Variants in ASPH observed in about 807,000 individuals in gnomAD.
ASPH encodes aspartyl/asparaginyl beta-hydroxylase.
A neutral mutation model predicts 118.4 loss-of-function variants in ASPH; 100 were observed. The ratio of observed to expected loss-of-function variants is 0.84; its 90% CI spans 0.72 to 1.00. The LOEUF is 1.00. ASPH is among the 50% of genes least tolerant of loss of function. ASPH has a pLI of 0.00. For missense variants in ASPH, 920 were observed against 919.5 expected (o/e 1.00, Z -0.01); for synonymous variants, 315 against 325.6 (o/e 0.97, Z 0.35).
intron 24 of ASPH, chr8:61,516,979 C>G (rs1217475171): frequency 6.6e-6 from 1 of 152,566 alleles, no homozygotes; most frequent in Non-Finnish European, 1.5e-5. Context: ...GTTATCACTG[C>G]CAATTTTATA....
chr8:61,661,366 T>A (rs975121450), intron 3 of ASPH: 3 of 152,240 alleles, frequency 2.0e-5, no homozygotes, highest in African/African-American at 7.2e-5. Context: ...CCCAACCATG[T>A]GCTGGCTGTT....
At chr8:61,527,548 G>A (rs1327077213) in intron 21 of ASPH, among the ~76,000 whole-genome samples, 1 of 152,242 alleles carries the variant, frequency 6.6e-6, no homozygotes, top group East Asian at 1.9e-4. Context: ...TTTATGATAT[G>A]TATGCATTAA....
chr8:61,706,195 A>T (rs534306046), intron 1 of ASPH, among the ~76,000 whole-genome samples: 4 of 151,966 alleles, frequency 2.6e-5, no homozygotes, highest in Admixed American at 2.6e-4. Flanking sequence ...AGTCGAGATG[A>T]GCAGACCACT....
chr8:61,609,694 C>T (rs1292197253), intron 14 of ASPH, among the ~76,000 whole-genome samples: 1 of 151,994 alleles, frequency 6.6e-6, no homozygotes, highest in Non-Finnish European at 1.5e-5. Flanking sequence ...ATAAAAATAT[C>T]GCAGGAACTA....
chr8:61,547,712 GTTA>G (rs1431099347), intron 21 of ASPH, among the ~76,000 whole-genome samples: 5 of 151,644 alleles, frequency 3.3e-5, no homozygotes, highest in South Asian at 4.2e-4. Flanking sequence ...ATGTTATGAG[GTTA>G]TTATTTTTAA....
intron 3 of ASPH, chr8:61,668,312 A>T: frequency 6.5e-7 from 1 of 1,537,692 alleles, no homozygotes; most frequent in South Asian, 1.2e-5. Context: ...GGTTATAAAC[A>T]GAAAATTTAA....
chr8:61,574,806 C>G lies in ASPH; in HGVS notation c.1149+1966G>C, dbSNP rs1834588321. On this transcript the variant is annotated intron_variant, in intron 16 of 24. Coordinates refer to ENST00000379454, the MANE Select transcript of ASPH (RefSeq NM_004318.4). ...ACGTGTATACCTATGTAACAAACCT[C>G]CATGTTCTGCACATGTATCCCAGAA... Among the ~76,000 whole-genome samples, 3 of 152,198 alleles carry G rather than the reference C, an allele frequency of 2.0e-5. No homozygotes were observed. The South Asian group carries it at 6.2e-4, about 32-fold the overall frequency.
intron 13 of ASPH, chr8:61,624,639 A>G: frequency 1.0e-6 from 1 of 985,444 alleles, no homozygotes; most frequent in Non-Finnish European, 1.2e-6. Flanking sequence ...ATTTGTAAAG[A>G]CAAGGCTCAT....
chr8:61,640,160 C>A (rs979504299), intron 10 of ASPH, among the ~76,000 whole-genome samples: 5 of 152,200 alleles, frequency 3.3e-5, no homozygotes, highest in Admixed American at 1.3e-4. Flanking sequence ...CAGGGCACCA[C>A]TGAACATCCC....
In ASPH at chr8:61,503,100, A is replaced by G. The variant is rs913847323; in HGVS notation, c.*259T>C. 4.3e-5 allele frequency: 14 copies of G among 325,326 alleles called. No individual in the cohort carries two copies. The highest frequency in any genetic ancestry group is 7.2e-5 in the Non-Finnish European group (13 of 181,054). The allele number at this position is 325,326 out of a possible 1,614,324, so 20.2% of individuals were successfully genotyped here. A position where few individuals can be genotyped will look rare whatever the true frequency, so the allele number is the denominator to read the frequency against. On this transcript the variant is annotated 3_prime_UTR_variant, in exon 25 of 25. Transcript: ENST00000379454. The stretch of plus-strand genomic sequence containing the variant: ...ATCTTTGGCTGGTAAGGTAGAAGCT[A>G]TCAAATGTTCACCTTAAATACTGGC...
At position 61,504,978 on chromosome 8, in the gene ASPH, C is replaced by T. The variant is rs570923953; in HGVS notation, c.2127-1469G>A. On this transcript the variant is annotated intron_variant, in intron 24 of 24. Coordinates refer to ENST00000379454, the MANE Select transcript of ASPH (RefSeq NM_004318.4). ...ACCCAGTGTGCTATCTCATACACTT[C>T]GTGATATGGTTTGGATGTGTCCCCA... 1.3e-4 allele frequency among the ~76,000 whole-genome samples: 20 copies of T among 152,100 alleles called. No individual in the cohort carries two copies. In the South Asian group the frequency reaches 3.9e-3, roughly 30 times the overall value.
At chr8:61,681,094 G>T in intron 2 of ASPH, 58 bp from the exon 3 acceptor site, 2 of 1,384,716 alleles carry the variant, frequency 1.4e-6, no homozygotes, top group East Asian at 2.4e-5. Flanking sequence ...ATTTAATAAG[G>T]TATTATAACT....
chr8:61,702,045 G>C (rs1787775985), intron 1 of ASPH, among the ~76,000 whole-genome samples: 2 of 152,118 alleles, frequency 1.3e-5, no homozygotes, highest in African/African-American at 4.8e-5. Context: ...CTTTTTGCCA[G>C]TAAGTTTGAA....
chr8:61,516,646 G>C (rs1811031199), intron 24 of ASPH, among the ~76,000 whole-genome samples: 2 of 152,172 alleles, frequency 1.3e-5, no homozygotes, highest in African/African-American at 2.4e-5. Flanking sequence ...ATAGAAGATA[G>C]GAATGGGATT....
At chr8:61,635,781 AT>A (rs1857448388) in intron 12 of ASPH, among the ~76,000 whole-genome samples, 1 of 152,108 alleles carries the variant, frequency 6.6e-6, no homozygotes, top group Non-Finnish European at 1.5e-5. Context: ...TTTCCCCTCC[AT>A]TCCCACTGCC....
intron 3 of ASPH, chr8:61,659,434 AT>A (rs1389944571): frequency 6.6e-6 from 1 of 152,210 alleles, no homozygotes; most frequent in Non-Finnish European, 1.5e-5. Context: ...GAAGATGGAA[AT>A]GAGAGGCAGA....
intron 4 of ASPH, 73 bp downstream of exon 4, chr8:61,653,495 T>C (rs1208410627): frequency 7.0e-7 from 1 of 1,421,372 alleles, no homozygotes; most frequent in Non-Finnish European, 9.7e-7. Context: ...AGGTAAAACG[T>C]GATTCTGTAA....
At chr8:61,530,905 A>G (rs966856113) in intron 21 of ASPH, among the ~76,000 whole-genome samples, 2 of 152,152 alleles carry the variant, frequency 1.3e-5, no homozygotes, top group Non-Finnish European at 2.9e-5. Flanking sequence ...AGGCATTATC[A>G]CTCATCTATT....
At chr8:61,511,840 G>A (rs1483373953) in intron 24 of ASPH, among the ~76,000 whole-genome samples, 1 of 152,150 alleles carries the variant, frequency 6.6e-6, no homozygotes, top group East Asian at 1.9e-4. Context: ...CTGACCTCAA[G>A]TGATCCGCCT....
Sources: allele counts gnomAD v4.1 joint callset (sites outside exome capture counted in the v4.1 genomes callset), GRCh38; gene constraint gnomAD v4.1.1; transcripts MANE v1.5; gene names NCBI Gene and HGNC (gene_info 2026-07-23, HGNC 2026-07-21).